The following BFSP2 variants were observed in gnomAD, a reference collection of about 807,000 sequenced individuals.
BFSP2 encodes phakinin.
In BFSP2, 38 loss-of-function variants were observed where a neutral mutation model predicts 44.9. The observed-to-expected ratio is 0.85, with a 90% CI of 0.65 to 1.11. The LOEUF (loss-of-function observed/expected upper bound fraction) is 1.11, where lower values mean the gene tolerates loss of function less well. BFSP2 is among the 50% of genes least tolerant of loss of function. The pLI is 0.00. For missense variants in BFSP2, 525 were observed against 533.0 expected (o/e 0.99, Z 0.15); for synonymous variants, 197 against 209.9 (o/e 0.94, Z 0.53).
At chr3:133,458,546 T>G (rs1430243464) in intron 4 of BFSP2, among the ~76,000 whole-genome samples, 1 of 151,842 alleles carries the variant, frequency 6.6e-6, no homozygotes, top group Non-Finnish European at 1.5e-5. Context: ...ATACAAAAAA[T>G]TAGCCGGGTG....
chr3:133,439,785 T>C (rs570727363), intron 1 of BFSP2, among the ~76,000 whole-genome samples: 4 of 152,120 alleles, frequency 2.6e-5, no homozygotes, highest in African/African-American at 7.2e-5. Context: ...ACAGACTTCA[T>C]AGGACAAGGG....
At chr3:133,472,226 C>T in intron 5 of BFSP2, 119 bp from the exon 6 acceptor site, 2 of 1,151,478 alleles carry the variant, frequency 1.7e-6, no homozygotes, top group South Asian at 1.3e-5. Context: ...CTGGCAAGGT[C>T]CCTGCCACGA....
At chr3:133,405,839 G>T (rs1280618069) in intron 1 of BFSP2, among the ~76,000 whole-genome samples, 3 of 152,244 alleles carry the variant, frequency 2.0e-5, no homozygotes, top group Admixed American at 6.5e-5. Flanking sequence ...CTCTTAGGAA[G>T]AGTGAGGTAT....
chr3:133,448,777 A>G (rs1399572300), intron 3 of BFSP2, 132 bp downstream of exon 3: 5 of 1,205,314 alleles, frequency 4.1e-6, no homozygotes, highest in Non-Finnish European at 2.4e-6. Context: ...TGCAGGGAAC[A>G]TACCTGTAAA....
chr3:133,436,248 C>T (rs577692757), intron 1 of BFSP2, among the ~76,000 whole-genome samples: 14 of 149,318 alleles, frequency 9.4e-5, no homozygotes, highest in African/African-American at 3.3e-4. Flanking sequence ...ATACCTTGAA[C>T]CCAGGAGGTG....
intron 1 of BFSP2, among the ~76,000 whole-genome samples, chr3:133,440,419 T>C (rs2073834053): frequency 6.6e-6 from 1 of 152,210 alleles, no homozygotes; most frequent in Non-Finnish European, 1.5e-5. Flanking sequence ...TTGATTTTGT[T>C]GGGGCATCTG....
At chr3:133,472,969 T>C (rs1246614901) in intron 6 of BFSP2, among the ~76,000 whole-genome samples, 1 of 151,182 alleles carries the variant, frequency 6.6e-6, no homozygotes, top group Non-Finnish European at 1.5e-5. Flanking sequence ...TTTTTTTGGA[T>C]ACAGGGTCTC....
At chr3:133,422,124 A>AAAC (rs1236998893) in intron 1 of BFSP2, among the ~76,000 whole-genome samples, 1 of 151,530 alleles carries the variant, frequency 6.6e-6, no homozygotes, top group Non-Finnish European at 1.5e-5. Flanking sequence ...AAAAAAAAAA[A>AAAC]AATCCACCAC....
At chr3:133,437,852 A>G (rs2073805863) in intron 1 of BFSP2, among the ~76,000 whole-genome samples, 1 of 152,164 alleles carries the variant, frequency 6.6e-6, no homozygotes, top group Non-Finnish European at 1.5e-5. Context: ...GGGAAGCAAA[A>G]CAATGATTTG....
intron 6 of BFSP2, 104 bp from the exon 7 acceptor site, chr3:133,474,865 G>T (rs2074200409): frequency 1.4e-6 from 2 of 1,456,162 alleles, no homozygotes; most frequent in African/African-American, 2.8e-5. Context: ...TGTTCCAAAG[G>T]CCAGATTCTT....
intron 5 of BFSP2, among the ~76,000 whole-genome samples, chr3:133,467,796 T>C (rs1221707997): frequency 2.0e-5 from 3 of 152,110 alleles, no homozygotes; most frequent in Middle Eastern, 3.2e-3. Context: ...CAAAGGTTGG[T>C]CCATGTAATC....
chr3:133,436,455 C>T (rs2073782757), intron 1 of BFSP2, among the ~76,000 whole-genome samples: 1 of 151,784 alleles, frequency 6.6e-6, no homozygotes, highest in South Asian at 2.1e-4. Context: ...TAGGTTGCTT[C>T]CAATTTTTCT....
At chr3:133,405,867 TTTGATG>T (rs2073399541) in intron 1 of BFSP2, among the ~76,000 whole-genome samples, 2 of 152,172 alleles carry the variant, frequency 1.3e-5, no homozygotes, top group Admixed American at 1.3e-4. Context: ...GAAGAAATAT[TTTGATG>T]GGAGAGGGGG....
chr3:133,445,402 C>G (rs1269185761), intron 1 of BFSP2: 3 of 152,196 alleles, frequency 2.0e-5, no homozygotes, highest in Non-Finnish European at 4.4e-5. Context: ...TGTTGGGACC[C>G]ACCTGCAGAG....
In BFSP2 at chr3:133,452,688, C is replaced by T. The variant is rs552520574; in HGVS notation, c.891+2224C>T. On this transcript the variant is annotated intron_variant, in intron 4 of 6. Transcript: ENST00000302334. Reference sequence around the variant, plus strand: ...GCTGGTTGAGAGCTCCATAGTTCAACTCTCCTGTTCTTGGTCCAGAGACCT... The same window carrying T: ...GCTGGTTGAGAGCTCCATAGTTCAATTCTCCTGTTCTTGGTCCAGAGACCT... Among the ~76,000 whole-genome samples the T allele has an allele frequency of 2.6e-4, 39 of 152,302 alleles. No individual in the cohort carries two copies. In the East Asian group the frequency reaches 4.3e-3, roughly 17 times the overall value.
chr3:133,453,861 T>A (rs74672651), intron 4 of BFSP2, among the ~76,000 whole-genome samples: 10,558 of 152,240 alleles, frequency 0.069, 495 homozygotes, highest in East Asian at 0.11. Context: ...AATAGAGACA[T>A]AAAAAAATTT....
chr3:133,454,727 G>A (rs1029923755), intron 4 of BFSP2, among the ~76,000 whole-genome samples: 8 of 152,158 alleles, frequency 5.3e-5, no homozygotes, highest in Admixed American at 2.0e-4. Flanking sequence ...GATGCTTAAG[G>A]CAACGTATGT....
At chr3:133,426,890 A>G (rs1220571559) in intron 1 of BFSP2, among the ~76,000 whole-genome samples, 1 of 152,226 alleles carries the variant, frequency 6.6e-6, no homozygotes, top group East Asian at 1.9e-4. Flanking sequence ...TGGTGCTGGC[A>G]TTAAGTGGTG....
chr3:133,402,138 T>G lies in BFSP2; in HGVS notation c.489+1566T>G, dbSNP rs950726825. Among the ~76,000 whole-genome samples, 7 of 152,270 alleles carry G rather than the reference T, an allele frequency of 4.6e-5. 1 individual carries two copies. Among genetic ancestry groups the G allele is most frequent in the Non-Finnish European group, 1.5e-5 (1 of 68,028 alleles). ...ACCAGAACATCCCTAGATACTCCAA[T>G]ATGTCAGCATCTGCTGGACAATCGC... On this transcript the variant is annotated intron_variant, in intron 1 of 6. Transcript: ENST00000302334.
Sources: allele counts gnomAD v4.1 joint callset (sites outside exome capture counted in the v4.1 genomes callset), GRCh38; gene constraint gnomAD v4.1.1; transcripts MANE v1.5; gene names NCBI Gene and HGNC (gene_info 2026-07-23, HGNC 2026-07-21).